The following RSBN1L variants were observed in gnomAD, a reference collection of about 807,000 sequenced individuals.
RSBN1L encodes round spermatid basic protein 1 like, also known as lysine-specific demethylase RSBN1L.
Under a neutral mutation model 67.7 loss-of-function variants are expected in RSBN1L, and 30 were observed. The ratio of observed to expected loss-of-function variants is 0.44; its 90% CI spans 0.33 to 0.60. RSBN1L has a LOEUF of 0.60. RSBN1L is among the 20% of genes least tolerant of loss of function. The pLI is 0.02. For missense variants in RSBN1L, 992 were observed against 1,031.7 expected, an observed-to-expected ratio of 0.96 and a Z score of 0.53; for synonymous variants, 433 against 387.0, an observed-to-expected ratio of 1.12 and a Z score of -1.39.
chr7:77,778,324 G>A lies in RSBN1L; in HGVS notation c.1794-14G>A, dbSNP rs769544005. 9.6e-6 allele frequency: 15 copies of A among 1,562,338 alleles called. No homozygotes were observed. The South Asian group carries it at 1.4e-4, about 15-fold the overall frequency. ...ATTTATGGCAGATTCTTGTTATCTC[G>A]TTTTCTTTTTTAGGCCTGATCAACC... On this transcript the variant is annotated splice_polypyrimidine_tract_variant and intron_variant, in intron 6 of 7. Coordinates refer to ENST00000334955, the MANE Select transcript of RSBN1L (RefSeq NM_198467.3).
At chr7:77,752,717 G>A (rs1234857480) in intron 3 of RSBN1L, among the ~76,000 whole-genome samples, 2 of 152,064 alleles carry the variant, frequency 1.3e-5, no homozygotes, top group Non-Finnish European at 2.9e-5. Flanking sequence ...TCTTCACAGG[G>A]AACACACCCA....
intron 2 of RSBN1L, 146 bp from the exon 3 acceptor site, chr7:77,749,278 T>G (rs1268443963): frequency 3.2e-6 from 2 of 623,274 alleles, no homozygotes; most frequent in African/African-American, 1.9e-5. Flanking sequence ...AAATATTGAT[T>G]ATCAATTCTG....
At chr7:77,722,362 A>T (rs1791130809) in intron 1 of RSBN1L, among the ~76,000 whole-genome samples, 1 of 152,012 alleles carries the variant, frequency 6.6e-6, no homozygotes, top group Non-Finnish European at 1.5e-5. Flanking sequence ...GCAGGTTTGG[A>T]TGGTGGGATT....
At position 77,697,031 on chromosome 7, in the gene RSBN1L, G is replaced by C. The variant is rs1790743486; in HGVS notation, c.562G>C (p.Gly188Arg). ...CGGCGGGGCCTCCCGGGAGGAGAACGGGGAGGTGAAGCCGCTGCCCCGAGG... is the reference window on the plus strand; with the variant it reads ...CGGCGGGGCCTCCCGGGAGGAGAACCGGGAGGTGAAGCCGCTGCCCCGAGG... ...EAGGASREEN[G>R]EVKPLPRDKI... The change falls in exon 1 of 8, where the codon GGG (glycine) becomes CGG (arginine). Residue 188 changes from glycine (G) to arginine (R), a missense_variant. Coordinates refer to ENST00000334955, the MANE Select transcript of RSBN1L (RefSeq NM_198467.3). The C allele has an allele frequency of 6.6e-7, 1 of 1,514,954 alleles. No individual in the cohort carries two copies. The allele number at this position is 1,514,954 out of a possible 1,614,324, so 93.8% of individuals were successfully genotyped here. A position where few individuals can be genotyped will look rare whatever the true frequency, so the allele number is the denominator to read the frequency against.
At chr7:77,763,768 C>T (rs11977590) in intron 3 of RSBN1L, among the ~76,000 whole-genome samples, 2,057 of 152,214 alleles carry the variant, frequency 0.014, 42 homozygotes, top group African/African-American at 0.047. Flanking sequence ...TGACAGCTCA[C>T]TGCAGCCTGG....
At chr7:77,712,766 G>A (rs1004128771) in intron 1 of RSBN1L, among the ~76,000 whole-genome samples, 2 of 151,684 alleles carry the variant, frequency 1.3e-5, no homozygotes, top group Admixed American at 1.3e-4. Flanking sequence ...AACTGATACT[G>A]TATTGTGGGA....
intron 1 of RSBN1L, among the ~76,000 whole-genome samples, chr7:77,698,861 A>G (rs1438715477): frequency 2.6e-5 from 4 of 152,034 alleles, no homozygotes; most frequent in Admixed American, 2.6e-4. Flanking sequence ...AGAGAAAAAG[A>G]TTCCTTTCCA....
intron 6 of RSBN1L, among the ~76,000 whole-genome samples, chr7:77,775,774 G>A (rs1473923323): frequency 6.6e-6 from 1 of 152,068 alleles, no homozygotes; most frequent in Admixed American, 6.6e-5. Context: ...TGTGTATTTT[G>A]GCTAGGCGCG....
rs1791957704 is a variant in RSBN1L, at chr7:77,779,017, A to G, written c.2390A>G (p.Glu797Gly). 1 of 1,614,000 alleles carries G rather than the reference A, an allele frequency of 6.2e-7. No individual in the cohort carries two copies. The highest frequency in any genetic ancestry group is 1.3e-5 in the African/African-American group (1 of 74,946). ...AAATTGGATCATGTTCAATTTGCAG[A>G]ATTTAAGATTGACATGGATTCTAAA... The part of the protein sequence containing the change: ...KAKLDHVQFA[E>G]FKIDMDSKFE... The change falls in exon 8 of 8, where the codon GAA (glutamate) becomes GGA (glycine). Residue 797 changes from glutamate to glycine, a missense_variant. Glu to Gly is a moderately conservative substitution (Grantham distance 98). This residue lies in a region of RSBN1L where 199 missense variants were observed against 167.7 expected (regional missense o/e 1.19). Transcript: ENST00000334955.
chr7:77,752,151 A>G (rs1791563875), intron 3 of RSBN1L, among the ~76,000 whole-genome samples: 1 of 152,186 alleles, frequency 6.6e-6, no homozygotes, highest in Non-Finnish European at 1.5e-5. Context: ...GTGGATCTCA[A>G]GTCCTTGATG....
intron 1 of RSBN1L, among the ~76,000 whole-genome samples, chr7:77,722,270 A>G (rs1485903874): frequency 6.6e-6 from 1 of 152,118 alleles, no homozygotes; most frequent in Non-Finnish European, 1.5e-5. Flanking sequence ...CCACAGGGTT[A>G]TAGTTTACAT....
chr7:77,737,310 A>G (rs1003364246), intron 2 of RSBN1L, among the ~76,000 whole-genome samples: 1 of 152,176 alleles, frequency 6.6e-6, no homozygotes, highest in African/African-American at 2.4e-5. Flanking sequence ...TGATGATGAG[A>G]ATATGTTGAC....
chr7:77,728,367 T>G (rs772343736), intron 1 of RSBN1L, among the ~76,000 whole-genome samples: 42 of 152,226 alleles, frequency 2.8e-4, no homozygotes, highest in Non-Finnish European at 4.6e-4. Flanking sequence ...CTGTATTGCT[T>G]TTTAGCATCT....
rs779025378 is a variant in RSBN1L, at chr7:77,779,052, A to G, written c.2425A>G (p.Ser809Gly). 3 of 1,613,998 alleles carry G rather than the reference A, an allele frequency of 1.9e-6. No individual in the cohort carries two copies. Among genetic ancestry groups the G allele is most frequent in the Non-Finnish European group, 2.5e-6 (3 of 1,179,896 alleles). ...TGACATGGATTCTAAATTTGAAAAT[A>G]GCAACAAAGATTTAAAGGAAGAATT... ...KIDMDSKFENSNKDLKEELCP... is the reference protein window; with the variant it reads ...KIDMDSKFENGNKDLKEELCP... Residue 809 changes from serine to glycine, a missense_variant, in exon 8 of 8, where the codon AGC becomes GGC. By Grantham distance (56) the Ser-to-Gly change is moderately conservative (BLOSUM62 0). This residue lies in a region of RSBN1L where 199 missense variants were observed against 167.7 expected (regional missense o/e 1.19). Transcript: ENST00000334955.
Position 77,750,005 on chromosome 7 carries a change from A to G in RSBN1L, c.1285A>G (p.Met429Val), listed in dbSNP as rs1406022894. The G allele has an allele frequency of 6.2e-6, 10 of 1,613,418 alleles. No individual in the cohort carries two copies. The highest frequency in any genetic ancestry group is 1.7e-4 in the Middle Eastern group (1 of 6,060). Residue 429 changes from methionine to valine, a missense_variant, in exon 3 of 8, where the codon ATG (methionine) becomes GTG (valine). By Grantham distance (21) the Met-to-Val change is conservative. Around this residue, in one of 7 missense-constraint regions of RSBN1L, gnomAD observed 63 missense variants for 84.8 expected, o/e 0.74. Coordinates refer to ENST00000334955, the MANE Select transcript of RSBN1L (RefSeq NM_198467.3). ...TAATTTTCCCAATTCACCAGTGAAA[A>G]TGGAGATATTGGGAAAGAAAGATAT... The part of the protein sequence containing the change: ...SFNFPNSPVK[M>V]EILGKKDIET...
chr7:77,776,145 G>A (rs76523983), intron 6 of RSBN1L, among the ~76,000 whole-genome samples: 1,902 of 152,246 alleles, frequency 0.012, 38 homozygotes, highest in African/African-American at 0.043. Flanking sequence ...AGTGAATGTG[G>A]TTCACTTTTT....
At chr7:77,728,460 G>C (rs1481806799) in intron 1 of RSBN1L, among the ~76,000 whole-genome samples, 1 of 152,146 alleles carries the variant, frequency 6.6e-6, no homozygotes, top group African/African-American at 2.4e-5. Context: ...TTCCTCTAGA[G>C]GGTTTTAGTA....
In RSBN1L at chr7:77,708,662, G is replaced by A. The variant is rs539679704; in HGVS notation, c.586+11607G>A. Among the ~76,000 whole-genome samples the A allele has an allele frequency of 1.9e-3, 290 of 151,960 alleles. 1 individual carries two copies. The highest frequency in any genetic ancestry group is 2.9e-3 in the Non-Finnish European group (197 of 67,820). ...CTTCCAAAGTGCTGGGATTACAGGC[G>A]TGAGCCACCGCGCCCAGCCGAGTTC... is the stretch of plus-strand genomic sequence containing the variant. On this transcript the variant is annotated intron_variant, in intron 1 of 7. Transcript: ENST00000334955.
chr7:77,779,791 A>G lies in RSBN1L; in HGVS notation c.*623A>G, dbSNP rs1461434054. The G allele has an allele frequency of 6.7e-6, 1 of 148,842 alleles. No individual in the cohort carries two copies. Among genetic ancestry groups the G allele is most frequent in the Non-Finnish European group, 1.5e-5 (1 of 67,326 alleles). The allele number at this position is 148,842 out of a possible 1,614,324, so 9.2% of individuals were successfully genotyped here. ...TGTACGTAATTCAAATCTAGTAAAT[A>G]TTTAAGTTCCTCACACTGTGCAGGC... On this transcript the variant is annotated 3_prime_UTR_variant, in exon 8 of 8. Coordinates refer to ENST00000334955, the MANE Select transcript of RSBN1L (RefSeq NM_198467.3).
Sources: gnomAD v4.1 joint callset for allele counts (sites outside exome capture counted in the v4.1 genomes callset) on GRCh38, gnomAD v4.1.1 for gene constraint, gnomAD v4.1.1 regional missense constraint, MANE v1.5 for transcripts, NCBI Gene and HGNC (gene_info 2026-07-23, HGNC 2026-07-21) for gene names.